The following TCF21 variants were observed in gnomAD, a reference collection of about 807,000 sequenced individuals.
The protein encoded by TCF21 is capsulin.
Under a neutral mutation model 13.5 loss-of-function variants are expected in TCF21, and 3 were observed. The ratio of observed to expected loss-of-function variants is 0.22; its 90% CI spans 0.10 to 0.57. The LOEUF is 0.57. TCF21 is among the 20% of genes least tolerant of loss of function. The probability of loss-of-function intolerance (pLI) is 0.92; values close to 1 mark genes in which losing one functional copy is unlikely to be tolerated. For missense variants in TCF21, 181 were observed against 238.4 expected (o/e 0.76, Z 1.59); for synonymous variants, 92 against 101.7 (o/e 0.90, Z 0.57).
chr6:133,892,460 A>C (rs1775234909), downstream of TCF21: 1 of 152,266 alleles, frequency 6.6e-6, no homozygotes, highest in Non-Finnish European at 1.5e-5. Flanking sequence ...GGTTACTTTT[A>C]AGGCTAATAG....
downstream of TCF21, chr6:133,894,415 A>G (rs1775269562): frequency 6.6e-6 from 1 of 152,226 alleles, no homozygotes; most frequent in Admixed American, 6.5e-5. Context: ...GCCTCAGCCA[A>G]GGAGGGGCCT....
At chr6:133,892,947 C>T (rs1283239439), downstream of TCF21, 1 of 152,222 alleles carries the variant, frequency 6.6e-6, no homozygotes, top group Non-Finnish European at 1.5e-5. Flanking sequence ...GCCGAGGAGC[C>T]TGCGACCCGG....
Position 133,889,560 on chromosome 6 carries a change from G to A in TCF21, c.163G>A (p.Gly55Ser), listed in dbSNP as rs1344260202. 3 of 1,613,906 alleles carry A rather than the reference G, an allele frequency of 1.9e-6. No homozygotes were observed. Among genetic ancestry groups the A allele is most frequent in the Non-Finnish European group, 2.5e-6 (3 of 1,179,912 alleles). Residue 55 changes from glycine (G) to serine (S), a missense_variant, in exon 1 of 2, where the codon GGC (glycine) becomes AGC (serine). Around this residue, in one of 3 missense-constraint regions of TCF21, gnomAD observed 91 missense variants for 98.5 expected, o/e 0.92. Coordinates refer to ENST00000367882, the MANE Select transcript of TCF21 (RefSeq NM_003206.4). The surrounding 1 kb of genome is among the most constrained non-coding windows in gnomAD (Gnocchi z 5.1). ...ENGSPQKGRG[G>S]LGKRRKAPTK... ...TGGGTCTCCCCAGAAGGGCCGCGGC[G>A]GCCTGGGCAAGAGGAGGAAGGCGCC... is the stretch of plus-strand genomic sequence containing the variant.
At chr6:133,894,650 T>C (rs1409776977), downstream of TCF21, 1 of 152,690 alleles carries the variant, frequency 6.5e-6, no homozygotes, top group Non-Finnish European at 1.5e-5. Context: ...TCCTCCGGTC[T>C]TCCCAGAAGG....
Position 133,889,817 on chromosome 6 carries a change from C to T in TCF21, c.420C>T (p.Tyr140=). 1 of 1,612,986 alleles carries T rather than the reference C, an allele frequency of 6.2e-7. No individual in the cohort carries two copies. Among genetic ancestry groups the T allele is most frequent in the Non-Finnish European group, 8.5e-7 (1 of 1,179,870 alleles). Residue 140 remains tyrosine (Y), a synonymous_variant, in exon 1 of 2, where the codon TAC becomes TAT. Coordinates refer to ENST00000367882, the MANE Select transcript of TCF21 (RefSeq NM_003206.4). This position sits in a 1 kb window ranked among gnomAD's most constrained non-coding sequence, Gnocchi z 5.1. ...HLRQILANDK[Y]ENGYIHPVNL... The stretch of plus-strand genomic sequence containing the variant: ...GGCAGATCCTGGCTAACGACAAATA[C>T]GAGAACGGGTACATTCACCCGGTCA...
At chr6:133,890,726 CTGTT>C (rs910919210) in intron 1 of TCF21, among the ~76,000 whole-genome samples, 1 of 152,114 alleles carries the variant, frequency 6.6e-6, no homozygotes, top group Admixed American at 6.5e-5. Context: ...ACTAGGATCT[CTGTT>C]TGTATATGAT....
At chr6:133,890,926 C>A (rs1292193847) in intron 1 of TCF21, among the ~76,000 whole-genome samples, 6 of 152,128 alleles carry the variant, frequency 3.9e-5, no homozygotes, top group African/African-American at 1.2e-4. Flanking sequence ...TTTTTCCCCC[C>A]CAATGAGTAA....
rs767049462 is a variant in TCF21 at position 133,889,389 on chromosome 6, C to A, written c.-9C>A. 2 of 1,613,598 alleles carry A rather than the reference C, an allele frequency of 1.2e-6. No homozygotes were observed. The highest frequency in any genetic ancestry group is 2.2e-5 in the South Asian group (2 of 91,046). On this transcript the variant is annotated 5_prime_UTR_variant, in exon 1 of 2. Transcript: ENST00000367882. This position sits in a 1 kb window ranked among gnomAD's most constrained non-coding sequence, Gnocchi z 5.1. ...TCTCTCTCTCTCTCCCTCGTCCACT[C>A]CCCCAAACATGTCCACCGGCTCCCT... is the stretch of plus-strand genomic sequence containing the variant.
At chr6:133,895,012 G>GCTCTCTCTCTCTCTCTCT (rs141939054), downstream of TCF21, 10 of 145,400 alleles carry the variant, frequency 6.9e-5, no homozygotes, top group African/African-American at 2.5e-4. Context: ...CCTCTCTCTC[G>GCTCTCTCTCTCTCTCTCT]CTCTCTCTCT....
At position 133,891,898 on chromosome 6, in the gene TCF21, C is replaced by A. The variant is rs1775225579; in HGVS notation, c.*96C>A. On this transcript the variant is annotated 3_prime_UTR_variant, in exon 2 of 2. Transcript: ENST00000367882. ...TCAGTGCTCTCTGTCTCTGCTTCCC[C>A]CTCGCAATGCTCCTCTCTCTGTCCC... 1.6e-6 allele frequency: 2 copies of A among 1,257,622 alleles called. No homozygotes were observed. Among genetic ancestry groups the A allele is most frequent in the Non-Finnish European group, 2.3e-6 (2 of 887,694 alleles). The allele number at this position is 1,257,622 out of a possible 1,614,324, so 77.9% of individuals were successfully genotyped here.
In TCF21 at chr6:133,889,990, C is replaced by T; in HGVS notation, c.450+143C>T. On this transcript the variant is annotated intron_variant, in intron 1 of 1. Transcript: ENST00000367882. The surrounding 1 kb of genome is among the most constrained non-coding windows in gnomAD (Gnocchi z 5.1). ...CTCGACCACCGCGGGCCTAGAGCCT[C>T]CAGGGACCGGAGGCGGGCGGTCTAG... 1 of 911,496 alleles carries T rather than the reference C, an allele frequency of 1.1e-6. No individual in the cohort carries two copies. The highest frequency in any genetic ancestry group is 1.5e-5 in the South Asian group (1 of 68,278). 56.5% of individuals were successfully genotyped at this position (911,496 alleles called of 1,614,324 possible). A position where few individuals can be genotyped will look rare whatever the true frequency, so the allele number is the denominator to read the frequency against.
chr6:133,889,266 G>A lies in TCF21; in HGVS notation c.-132G>A. The A allele has an allele frequency of 8.4e-7, 1 of 1,186,386 alleles. No homozygotes were observed. Among genetic ancestry groups the A allele is most frequent in the South Asian group, 1.2e-5 (1 of 80,936 alleles). The allele number at this position is 1,186,386 out of a possible 1,614,324, so 73.5% of individuals were successfully genotyped here. A position where few individuals can be genotyped will look rare whatever the true frequency, so the allele number is the denominator to read the frequency against. On this transcript the variant is annotated 5_prime_UTR_variant, in exon 1 of 2. Transcript: ENST00000367882. This position sits in a 1 kb window ranked among gnomAD's most constrained non-coding sequence, Gnocchi z 5.1. Reference sequence around the variant, plus strand: ...AACCAGACCCCAACTCCAGCTCCCAGCAGGAGGTGGCTGCGCCACACTCGG... The same window carrying A: ...AACCAGACCCCAACTCCAGCTCCCAACAGGAGGTGGCTGCGCCACACTCGG...
At chr6:133,893,171 A>G (rs41286216), downstream of TCF21, 19,485 of 152,208 alleles carry the variant, frequency 0.13, 1,646 homozygotes, top group Middle Eastern at 0.24. Context: ...ACCTGGAGCG[A>G]GAGCTTCTCC....
Position 133,891,739 on chromosome 6 carries a change from A to G in TCF21, c.477A>G (p.Lys159=). 6.2e-7 allele frequency: 1 copy of G among 1,613,996 alleles called. No homozygotes were observed. Among genetic ancestry groups the G allele is most frequent in the East Asian group, 2.2e-5 (1 of 44,852 alleles). Residue 159 remains lysine (K), a synonymous_variant, in exon 2 of 2, where the codon AAA becomes AAG. Coordinates refer to ENST00000367882, the MANE Select transcript of TCF21 (RefSeq NM_003206.4). ...CGTGGCCCTTTATGGTGGCCGGGAA[A>G]CCCGAGAGTGACCTGAAAGAAGTGG... ...NLTWPFMVAG[K]PESDLKEVVT...
At chr6:133,890,488 T>C (rs1353533360) in intron 1 of TCF21, among the ~76,000 whole-genome samples, 1 of 152,180 alleles carries the variant, frequency 6.6e-6, no homozygotes, top group East Asian at 1.9e-4. Context: ...AGTATGAGTG[T>C]AATAAATACT....
rs868018344 is a variant in TCF21 at position 133,889,485 on chromosome 6, G to A, written c.88G>A (p.Glu30Lys). ...CDGLKMDSNK[E>K]FVTSNESTEE... ...CGGGTTGAAAATGGATTCGAACAAG[G>A]AATTTGTGACTTCCAACGAGAGCAC... Residue 30 changes from glutamate (E) to lysine (K), a missense_variant, in exon 1 of 2, where the codon GAA (glutamate) becomes AAA (lysine). Coordinates refer to ENST00000367882, the MANE Select transcript of TCF21 (RefSeq NM_003206.4). This position sits in a 1 kb window ranked among gnomAD's most constrained non-coding sequence, Gnocchi z 5.1. The A allele has an allele frequency of 6.2e-7, 1 of 1,614,112 alleles. No individual in the cohort carries two copies. The highest frequency in any genetic ancestry group is 8.5e-7 in the Non-Finnish European group (1 of 1,180,022).
At chr6:133,891,607 G>A (rs1025386838) in intron 1 of TCF21, 106 bp from the exon 2 acceptor site, 4 of 1,201,536 alleles carry the variant, frequency 3.3e-6, no homozygotes, top group Non-Finnish European at 2.4e-6. Flanking sequence ...TCTCTCCAGA[G>A]CACCGCCTGC....
chr6:133,894,135 C>T (rs1174895089), downstream of TCF21: 5 of 152,156 alleles, frequency 3.3e-5, no homozygotes, highest in Non-Finnish European at 7.3e-5. Flanking sequence ...CTGAAAGTGT[C>T]TCAGGCAGGA....
chr6:133,889,700 A>C lies in TCF21; in HGVS notation c.303A>C (p.Arg101Ser). Reference sequence around the variant, plus strand: ...GAGTGCTGAGCAAGGCCTTCTCCAGACTCAAGACCACCCTGCCCTGGGTGC... The same window carrying C: ...GAGTGCTGAGCAAGGCCTTCTCCAGCCTCAAGACCACCCTGCCCTGGGTGC... The part of the protein sequence containing the change: ...RMRVLSKAFS[R>S]LKTTLPWVPP... Residue 101 changes from arginine to serine, a missense_variant, in exon 1 of 2, where the codon AGA becomes AGC. Arg to Ser is a moderately radical substitution (Grantham distance 110, BLOSUM62 -1). This residue lies in a region of TCF21 where 35 missense variants were observed against 80.4 expected (regional missense o/e 0.44). Transcript: ENST00000367882. The surrounding 1 kb of genome is among the most constrained non-coding windows in gnomAD (Gnocchi z 5.1). The C allele has an allele frequency of 6.2e-7, 1 of 1,613,670 alleles. No homozygotes were observed. The highest frequency in any genetic ancestry group is 8.5e-7 in the Non-Finnish European group (1 of 1,179,936).
Sources: gnomAD v4.1 joint callset for allele counts (sites outside exome capture counted in the v4.1 genomes callset) on GRCh38, gnomAD v4.1.1 for gene constraint, gnomAD v4.1.1 regional missense constraint, Gnocchi (gnomAD v3.1) non-coding constraint, MANE v1.5 for transcripts, NCBI Gene and HGNC (gene_info 2026-07-23, HGNC 2026-07-21) for gene names.